FRAS1: variants seen among roughly 807,000 people sequenced by gnomAD.
The protein encoded by FRAS1 is Fraser extracellular matrix complex subunit 1.
FRAS1 carries 290 observed loss-of-function variants against 435.2 expected under a neutral mutation model. The observed-to-expected ratio is 0.67, with a 90% CI of 0.61 to 0.73. The LOEUF is 0.73. Among genes scored for constraint, FRAS1 ranks in the 30% least tolerant of loss-of-function variants. The pLI, the probability that FRAS1 is intolerant of heterozygous loss-of-function variation, is 0.00. For missense variants in FRAS1, 4,860 were observed against 5,001.5 expected (o/e 0.97, Z 0.85); for synonymous variants, 1,800 against 1,851.0 (o/e 0.97, Z 0.71).
rs116595926 is a variant in FRAS1 at position 78,403,207 on chromosome 4, G to A, written c.4129+2320G>A. Among the ~76,000 whole-genome samples the A allele has an allele frequency of 1.4e-3, 209 of 152,012 alleles. 1 individual carries two copies. The highest frequency in any genetic ancestry group is 4.6e-3 in the African/African-American group (190 of 41,474). ...TCATCAGTAAAAGACAAAAAATTAA[G>A]CCCCCAAATTTCCTAGAAACAACCA... On this transcript the variant is annotated intron_variant, in intron 30 of 73. Coordinates refer to ENST00000512123, the MANE Select transcript of FRAS1 (RefSeq NM_025074.7).
chr4:78,072,795 T>C (rs900231017), intron 2 of FRAS1, among the ~76,000 whole-genome samples: 1 of 99,576 alleles, frequency 1.0e-5, no homozygotes, highest in Non-Finnish European at 2.6e-5. Context: ...TATTTTGTGA[T>C]AAAAACTTAT....
Position 78,446,717 on chromosome 4 carries a change from C to G in FRAS1, c.5857-10C>G. 6.2e-7 allele frequency: 1 copy of G among 1,610,786 alleles called. No homozygotes were observed. Among genetic ancestry groups the G allele is most frequent in the Non-Finnish European group, 8.5e-7 (1 of 1,178,858 alleles). On this transcript the variant is annotated splice_polypyrimidine_tract_variant and intron_variant, in intron 42 of 73. Transcript: ENST00000512123. ...TCTGTGTGAGATCTAATAGTTTATG[C>G]TTTAATCAGAGGAAGAACGATGAGC... is the stretch of plus-strand genomic sequence containing the variant.
intron 14 of FRAS1, among the ~76,000 whole-genome samples, chr4:78,293,207 A>C: frequency 6.6e-6 from 1 of 152,356 alleles, no homozygotes; most frequent in Non-Finnish European, 1.5e-5. Context: ...TATTATTATC[A>C]GTGCTATAAA....
At chr4:78,500,737 TCTGGCTCCATCCCATCTGTGTCTGA>T (rs1720650715) in intron 61 of FRAS1, among the ~76,000 whole-genome samples, 1 of 152,166 alleles carries the variant, frequency 6.6e-6, no homozygotes, top group African/African-American at 2.4e-5. Context: ...TTAAAGGGCT[TCTGGCTCCATCCCATCTGTGTCTGA>T]CTGATGTTTG....
chr4:78,079,247 A>G (rs1740789846), intron 2 of FRAS1, among the ~76,000 whole-genome samples: 1 of 151,512 alleles, frequency 6.6e-6, no homozygotes, highest in South Asian at 2.1e-4. Context: ...TTTTTTGTCA[A>G]CAAGAGAGAG....
intron 2 of FRAS1, among the ~76,000 whole-genome samples, chr4:78,233,886 A>G (rs1175074240): frequency 6.6e-6 from 1 of 152,232 alleles, no homozygotes; most frequent in South Asian, 2.1e-4. Context: ...AATCGAAATC[A>G]TAATAATAGT....
At chr4:78,245,870 T>C (rs1725217502) in intron 4 of FRAS1, among the ~76,000 whole-genome samples, 1 of 152,150 alleles carries the variant, frequency 6.6e-6, no homozygotes, top group African/African-American at 2.4e-5. Context: ...GTGCTTTGCA[T>C]TGTAGGACAT....
At chr4:78,088,999 A>C (rs1368018616) in intron 2 of FRAS1, among the ~76,000 whole-genome samples, 1 of 152,186 alleles carries the variant, frequency 6.6e-6, no homozygotes, top group African/African-American at 2.4e-5. Context: ...TTGCAGCACT[A>C]TTCACAATAG....
chr4:78,237,162 G>A (rs17003070), intron 2 of FRAS1, among the ~76,000 whole-genome samples: 5,933 of 152,076 alleles, frequency 0.039, 314 homozygotes, highest in African/African-American at 0.12. Context: ...TCCTTTAAAC[G>A]TGCTCCAGTG....
In FRAS1 at chr4:78,439,575, A is replaced by C. The variant is rs186019923; in HGVS notation, c.5529+511A>C. Among the ~76,000 whole-genome samples, 36 of 152,250 alleles carry C rather than the reference A, an allele frequency of 2.4e-4. No homozygotes were observed. The East Asian group carries it at 6.8e-3, about 29-fold the overall frequency. ...CTGAGTGACCTTGGGCCGTACACTT[A>C]ATCTTTCTTTGCCTCAGCTTCCTTG... On this transcript the variant is annotated intron_variant, in intron 40 of 73. Coordinates refer to ENST00000512123, the MANE Select transcript of FRAS1 (RefSeq NM_025074.7).
rs532360306 is a variant in FRAS1, at chr4:78,086,811, C to A, written c.108+20795C>A. ...TTACCAACCAAAAAAAGTCCAGGACCAGATGGATTCACAGCCGAATTCTAC... is the reference window on the plus strand; with the variant it reads ...TTACCAACCAAAAAAAGTCCAGGACAAGATGGATTCACAGCCGAATTCTAC... On this transcript the variant is annotated intron_variant, in intron 2 of 73. Coordinates refer to ENST00000512123, the MANE Select transcript of FRAS1 (RefSeq NM_025074.7). Among the ~76,000 whole-genome samples, 54 of 152,254 alleles carry A rather than the reference C, an allele frequency of 3.5e-4. No homozygotes were observed. The East Asian group carries it at 5.0e-3, about 14-fold the overall frequency.
At chr4:78,069,486 T>A (rs1740227449) in intron 2 of FRAS1, among the ~76,000 whole-genome samples, 1 of 152,180 alleles carries the variant, frequency 6.6e-6, no homozygotes, top group Non-Finnish European at 1.5e-5. Context: ...GTCATGGCCC[T>A]GGCGGTCAGA....
rs895599316 is a variant in FRAS1, at chr4:78,379,455, C to T, written c.3293-271C>T. On this transcript the variant is annotated intron_variant, in intron 26 of 73. Transcript: ENST00000512123. ...GGAGCAGTTACTCACACCTGAGGAC[C>T]TCCCACTGGCAGGCAAAGAGACATC... is the stretch of plus-strand genomic sequence containing the variant. The T allele has an allele frequency of 7.6e-6, 3 of 395,238 alleles. No individual in the cohort carries two copies. The East Asian group carries it at 1.8e-4, about 23-fold the overall frequency. 24.5% of individuals were successfully genotyped at this position (395,238 alleles called of 1,614,324 possible).
intron 6 of FRAS1, among the ~76,000 whole-genome samples, chr4:78,261,349 C>G (rs1418249902): frequency 6.6e-6 from 1 of 151,918 alleles, no homozygotes; most frequent in East Asian, 1.9e-4. Context: ...AAATAGTTTT[C>G]AGAAGTCTGC....
intron 3 of FRAS1, among the ~76,000 whole-genome samples, chr4:78,242,661 C>T (rs954710664): frequency 3.9e-5 from 6 of 152,188 alleles, no homozygotes; most frequent in African/African-American, 1.4e-4. Flanking sequence ...GTCTCTAACT[C>T]CTGACCTCAA....
intron 59 of FRAS1, among the ~76,000 whole-genome samples, chr4:78,495,142 T>A (rs1050737049): frequency 6.6e-6 from 1 of 152,158 alleles, no homozygotes; most frequent in South Asian, 2.1e-4. Context: ...ATTTTTATCC[T>A]TTGTTTCTTA....
chr4:78,397,716 C>T (rs892321795), intron 29 of FRAS1, among the ~76,000 whole-genome samples: 3 of 152,102 alleles, frequency 2.0e-5, no homozygotes, highest in Admixed American at 1.3e-4. Context: ...CCTTACTGTC[C>T]CTAGACAGCT....
chr4:78,218,098 T>TCTCTCTCTCTCA (rs368430185), intron 2 of FRAS1, among the ~76,000 whole-genome samples: 1 of 39,738 alleles, frequency 2.5e-5, no homozygotes, highest in African/African-American at 9.7e-5. Flanking sequence ...TCACTCTCTC[T>TCTCTCTCTCTCA]CACACACACA....
intron 20 of FRAS1, among the ~76,000 whole-genome samples, chr4:78,347,406 A>C (rs1730647158): frequency 6.6e-6 from 1 of 152,138 alleles, no homozygotes; most frequent in African/African-American, 2.4e-5. Context: ...TTGAATATCA[A>C]CTTTGGTTTA....
Sources: allele counts gnomAD v4.1 joint callset (sites outside exome capture counted in the v4.1 genomes callset), GRCh38; gene constraint gnomAD v4.1.1; transcripts MANE v1.5; gene names NCBI Gene and HGNC (gene_info 2026-07-23, HGNC 2026-07-21).